SUSD6: variants seen among roughly 807,000 people sequenced by gnomAD.
SUSD6 encodes sushi domain-containing protein 6.
In SUSD6, 16 loss-of-function variants were observed where a neutral mutation model predicts 28.4. The observed-to-expected ratio is 0.56, with a 90% CI of 0.38 to 0.86. The LOEUF (loss-of-function observed/expected upper bound fraction) is 0.86. Among genes scored for constraint, SUSD6 ranks in the 40% least tolerant of loss-of-function variants. The pLI is 0.00. For missense variants in SUSD6, 341 were observed against 384.2 expected (o/e 0.89, Z 0.94); for synonymous variants, 147 against 159.6 (o/e 0.92, Z 0.59).
chr14:69,678,493 AGTT>A (rs1885948514), intron 2 of SUSD6, among the ~76,000 whole-genome samples: 1 of 152,138 alleles, frequency 6.6e-6, no homozygotes, highest in Non-Finnish European at 1.5e-5. Context: ...GGGCGACTCC[AGTT>A]GTTCACTGTT....
At chr14:69,614,726 C>T (rs960930325) in intron 1 of SUSD6, among the ~76,000 whole-genome samples, 8 of 152,130 alleles carry the variant, frequency 5.3e-5, no homozygotes, top group South Asian at 2.1e-4. Context: ...TAGTGAGGTA[C>T]ATACTCTTCC....
At chr14:69,641,140 T>C (rs1885345551) in intron 1 of SUSD6, among the ~76,000 whole-genome samples, 1 of 152,274 alleles carries the variant, frequency 6.6e-6, no homozygotes, top group South Asian at 2.1e-4. Flanking sequence ...TGCTCCTCTG[T>C]CTGCCATGTG....
At chr14:69,652,113 A>T (rs957828693) in intron 1 of SUSD6, among the ~76,000 whole-genome samples, 4 of 152,166 alleles carry the variant, frequency 2.6e-5, no homozygotes, top group African/African-American at 9.7e-5. Context: ...CAAGAAAAGG[A>T]TTTATGTTGG....
At chr14:69,655,207 C>A (rs1885564405) in intron 1 of SUSD6, among the ~76,000 whole-genome samples, 1 of 152,010 alleles carries the variant, frequency 6.6e-6, no homozygotes, top group South Asian at 2.1e-4. Flanking sequence ...TTTTCACATA[C>A]TAATTTTAGA....
intron 1 of SUSD6, among the ~76,000 whole-genome samples, chr14:69,627,231 C>T (rs975087069): frequency 6.6e-6 from 1 of 152,188 alleles, no homozygotes; most frequent in Admixed American, 6.5e-5. Flanking sequence ...TAAATTAATT[C>T]TGATTTCAAG....
intron 1 of SUSD6, among the ~76,000 whole-genome samples, chr14:69,642,809 A>G (rs1313287317): frequency 6.6e-6 from 1 of 151,996 alleles, no homozygotes; most frequent in East Asian, 1.9e-4. Flanking sequence ...CTTTCTGATC[A>G]TTATTTTCCC....
intron 2 of SUSD6, among the ~76,000 whole-genome samples, chr14:69,691,403 G>GT (rs1179574163): frequency 6.6e-6 from 1 of 152,176 alleles, no homozygotes; most frequent in Non-Finnish European, 1.5e-5. Context: ...AACTGCTGGT[G>GT]TTTCTCAAAG....
rs1370219047 is a variant in SUSD6, at chr14:69,646,724, CAG to C, written c.-80-11788_-80-11787del. Among the ~76,000 whole-genome samples the C allele has an allele frequency of 3.9e-4, 27 of 68,658 alleles. 1 individual carries two copies. The Admixed American group carries it at 4.2e-3, about 11-fold the overall frequency. The allele number at this position is 68,658 out of a possible 152,430, so 45.0% of individuals were successfully genotyped here. The stretch of plus-strand genomic sequence containing the variant: ...TCTTTTTTTTTTTTTTTTTTTGAGA[CAG>C]GGTATCACTCTGTCGCCCAGGCTGG... On this transcript the variant is annotated intron_variant, in intron 1 of 5. Coordinates refer to ENST00000342745, the MANE Select transcript of SUSD6 (RefSeq NM_014734.4).
intron 3 of SUSD6, among the ~76,000 whole-genome samples, 184 bp from the exon 4 acceptor site, chr14:69,704,420 G>A (rs1484246454): frequency 1.3e-5 from 2 of 152,128 alleles, no homozygotes; most frequent in Non-Finnish European, 2.9e-5. Flanking sequence ...TAGGGAAATG[G>A]TCCTTTTCCA....
intron 1 of SUSD6, among the ~76,000 whole-genome samples, chr14:69,620,542 G>C (rs1470722254): frequency 6.6e-6 from 1 of 152,228 alleles, no homozygotes; most frequent in African/African-American, 2.4e-5. Context: ...TAATTTGAGA[G>C]TAGTGTTGGA....
intron 1 of SUSD6, among the ~76,000 whole-genome samples, chr14:69,624,643 C>A (rs977465518): frequency 7.9e-5 from 12 of 152,034 alleles, no homozygotes; most frequent in African/African-American, 2.9e-4. Flanking sequence ...TTAGTAGAGA[C>A]GGAGTTTCTC....
chr14:69,628,210 G>C (rs1171035669), intron 1 of SUSD6, among the ~76,000 whole-genome samples: 1 of 152,096 alleles, frequency 6.6e-6, no homozygotes, highest in Non-Finnish European at 1.5e-5. Context: ...TGGGATTACA[G>C]ACATGAGCCA....
intron 1 of SUSD6, among the ~76,000 whole-genome samples, chr14:69,640,041 G>A (rs1217042089): frequency 1.4e-5 from 2 of 145,710 alleles, no homozygotes; most frequent in African/African-American, 2.6e-5. Flanking sequence ...GCCTTCCTGG[G>A]AGTTTATTTA....
chr14:69,649,497 A>G (rs1289837521), intron 1 of SUSD6, among the ~76,000 whole-genome samples: 1 of 152,228 alleles, frequency 6.6e-6, no homozygotes, highest in Non-Finnish European at 1.5e-5. Context: ...CAGGATTTAT[A>G]TAATCTTTTC....
intron 1 of SUSD6, among the ~76,000 whole-genome samples, chr14:69,615,950 A>G (rs1884953404): frequency 6.6e-6 from 1 of 152,174 alleles, no homozygotes; most frequent in Non-Finnish European, 1.5e-5. Flanking sequence ...GTGTTAGTAG[A>G]TCCTTAAAAT....
rs1885825696 is a variant in SUSD6 at position 69,671,143 on chromosome 14, A to G, written c.121+12430A>G. Among the ~76,000 whole-genome samples the G allele has an allele frequency of 2.6e-5, 4 of 152,312 alleles. No individual in the cohort carries two copies. In the South Asian group the frequency reaches 8.3e-4, roughly 32 times the overall value. On this transcript the variant is annotated intron_variant, in intron 2 of 5. Transcript: ENST00000342745. Reference sequence around the variant, plus strand: ...GGCTGAATTGTCAGAATTGTGGAGGAGGAGGAGGAAGAAGAGAAACAAGCT... The same window carrying G: ...GGCTGAATTGTCAGAATTGTGGAGGGGGAGGAGGAAGAAGAGAAACAAGCT...
intron 2 of SUSD6, among the ~76,000 whole-genome samples, chr14:69,699,325 T>C (rs1886278526): frequency 6.6e-6 from 1 of 152,180 alleles, no homozygotes; most frequent in African/African-American, 2.4e-5. Flanking sequence ...TGCCTCAGCC[T>C]CCTGAGTAGC....
Position 69,705,174 on chromosome 14 carries a change from C to T in SUSD6, c.458+432C>T, listed in dbSNP as rs765645807. Among the ~76,000 whole-genome samples, 9 of 151,662 alleles carry T rather than the reference C, an allele frequency of 5.9e-5. No homozygotes were observed. In the South Asian group the frequency reaches 6.3e-4, roughly 11 times the overall value. On this transcript the variant is annotated intron_variant, in intron 4 of 5. Transcript: ENST00000342745. Reference sequence around the variant, plus strand: ...CTACTAAAAATACAAAACAATTAGCCGGGTGTGGTGGCGCGCGCCTGTAGT... The same window carrying T: ...CTACTAAAAATACAAAACAATTAGCTGGGTGTGGTGGCGCGCGCCTGTAGT...
intron 1 of SUSD6, among the ~76,000 whole-genome samples, chr14:69,650,697 C>A (rs1342297885): frequency 6.6e-6 from 1 of 152,136 alleles, no homozygotes; most frequent in South Asian, 2.1e-4. Flanking sequence ...TCTCTTGCAT[C>A]TTTTCTCCCT....
Sources: gnomAD v4.1 joint callset for allele counts (sites outside exome capture counted in the v4.1 genomes callset) on GRCh38, gnomAD v4.1.1 for gene constraint, MANE v1.5 for transcripts, NCBI Gene and HGNC (gene_info 2026-07-23, HGNC 2026-07-21) for gene names.